NR2E3: variants seen among roughly 807,000 people sequenced by gnomAD.
NR2E3 encodes the protein photoreceptor-specific nuclear receptor.
A neutral mutation model predicts 37.6 loss-of-function variants in NR2E3; 38 were observed. That is an observed-to-expected ratio of 1.01 (90% confidence interval 0.78 to 1.33). NR2E3 has a LOEUF of 1.33. Ranked by LOEUF, NR2E3 falls within the 40% of genes most tolerant of loss-of-function variation. The pLI is 0.00. For synonymous variants in NR2E3, 235 were observed against 225.1 expected, an observed-to-expected ratio of 1.04 and a Z score of -0.39; for missense variants, 562 against 558.7, an observed-to-expected ratio of 1.01 and a Z score of -0.06.
chr15:71,816,639 G>A (rs2140294048), intron 7 of NR2E3, among the ~76,000 whole-genome samples: 2 of 152,124 alleles, frequency 1.3e-5, no homozygotes, highest in South Asian at 4.2e-4. Context: ...TCAACTTCAG[G>A]ACATTTTCAG....
Position 71,817,980 on chromosome 15 carries a change from G to C in NR2E3, c.*296G>C, listed in dbSNP as rs2054240791. Reference sequence around the variant, plus strand: ...GGTAAACTTCACAGACATAAAAGTTGAATGAAAGAAGCCAGGCCGAAGTTC... The same window carrying C: ...GGTAAACTTCACAGACATAAAAGTTCAATGAAAGAAGCCAGGCCGAAGTTC... On this transcript the variant is annotated 3_prime_UTR_variant, in exon 8 of 8. Coordinates refer to ENST00000617575, the MANE Select transcript of NR2E3 (RefSeq NM_014249.4). The C allele has an allele frequency of 4.8e-6, 1 of 209,860 alleles. No individual in the cohort carries two copies. The highest frequency in any genetic ancestry group is 9.7e-6 in the Non-Finnish European group (1 of 103,134). 13.0% of individuals were successfully genotyped at this position (209,860 alleles called of 1,614,324 possible).
rs1406443586 is a variant in NR2E3, at chr15:71,812,357, C to T, written c.593C>T (p.Thr198Ile). 1 of 1,613,938 alleles carries T rather than the reference C, an allele frequency of 6.2e-7. No individual in the cohort carries two copies. Among genetic ancestry groups the T allele is most frequent in the East Asian group, 2.2e-5 (1 of 44,864 alleles). The change falls in exon 5 of 8, where the codon ACC becomes ATC. Residue 198 changes from threonine (T) to isoleucine (I), a missense_variant. Physicochemically the swap from Thr to Ile is moderately conservative, Grantham distance 89. Coordinates refer to ENST00000617575, the MANE Select transcript of NR2E3 (RefSeq NM_014249.4). ...ACAGCTGATGAGAATATTGATGTCA[C>T]CAGCAATGACCCTGAGTTCCCCTCC... The part of the protein sequence containing the change: ...PEDADENIDV[T>I]SNDPEFPSSP...
Position 71,811,177 on chromosome 15 carries a change from G to T in NR2E3, c.119-306G>T, listed in dbSNP as rs1213515410. Among the ~76,000 whole-genome samples the T allele has an allele frequency of 6.6e-6, 1 of 152,152 alleles. No homozygotes were observed. The highest frequency in any genetic ancestry group is 1.5e-5 in the Non-Finnish European group (1 of 68,004). ...GGCGTTGACAAGAATGTTTCTGTGGGATGATGGAGCCTGAAGCCACCCACA... is the reference window on the plus strand; with the variant it reads ...GGCGTTGACAAGAATGTTTCTGTGGTATGATGGAGCCTGAAGCCACCCACA... On this transcript the variant is annotated intron_variant, in intron 1 of 7. Coordinates refer to ENST00000617575, the MANE Select transcript of NR2E3 (RefSeq NM_014249.4). This position sits in a 1 kb window ranked among gnomAD's most constrained non-coding sequence, Gnocchi z 5.6.
In NR2E3 at chr15:71,813,779, C is replaced by T. The variant is rs2054206237; in HGVS notation, c.994+144C>T. 6 of 1,474,064 alleles carry T rather than the reference C, an allele frequency of 4.1e-6. No homozygotes were observed. In the Admixed American group the frequency reaches 1.1e-4, roughly 28 times the overall value. 91.3% of individuals were successfully genotyped at this position (1,474,064 alleles called of 1,614,324 possible). ...GGAGGAGAGTGGTGAGGCTGGACTCCCTTCTCCTTGGGGCCACTCCTGGTT... is the reference window on the plus strand; with the variant it reads ...GGAGGAGAGTGGTGAGGCTGGACTCTCTTCTCCTTGGGGCCACTCCTGGTT... On this transcript the variant is annotated intron_variant, in intron 6 of 7. Transcript: ENST00000617575. The surrounding 1 kb of genome is among the most constrained non-coding windows in gnomAD (Gnocchi z 4.7).
Position 71,811,055 on chromosome 15 carries a change from C to T in NR2E3, c.118+194C>T, listed in dbSNP as rs1013947437. ...GTGGGGCGGGGATGGGGGTTGGGGG[C>T]GGGCAGGCTGCAGAGCCAGGACAGG... On this transcript the variant is annotated intron_variant, in intron 1 of 7. Transcript: ENST00000617575. This position sits in a 1 kb window ranked among gnomAD's most constrained non-coding sequence, Gnocchi z 5.6. Among the ~76,000 whole-genome samples the T allele has an allele frequency of 1.3e-4, 19 of 151,324 alleles. No homozygotes were observed. Among genetic ancestry groups the T allele is most frequent in the African/African-American group, 2.4e-4 (10 of 41,188 alleles).
At position 71,813,546 on chromosome 15, in the gene NR2E3, T is replaced by C. The variant is rs759031159; in HGVS notation, c.905T>C (p.Val302Ala). 10 of 1,613,746 alleles carry C rather than the reference T, an allele frequency of 6.2e-6. No homozygotes were observed. In the Admixed American group the frequency reaches 6.7e-5, roughly 11 times the overall value. The change falls in exon 6 of 8, where the codon GTC becomes GCC. Residue 302 changes from valine to alanine, a missense_variant. Coordinates refer to ENST00000617575, the MANE Select transcript of NR2E3 (RefSeq NM_014249.4). The surrounding 1 kb of genome is among the most constrained non-coding windows in gnomAD (Gnocchi z 4.7). The stretch of plus-strand genomic sequence containing the variant: ...ACGCTGGCCAGCATGGAGACGCGTG[T>C]CCTGCAGGAAACTATCTCTCGGTTC... ...RLTLASMETR[V>A]LQETISRFRA...
intron 7 of NR2E3, among the ~76,000 whole-genome samples, chr15:71,817,101 C>G (rs67064824): frequency 1.2e-5 from 1 of 80,952 alleles, no homozygotes; most frequent in East Asian, 4.5e-4. Flanking sequence ...TTTCTTTTTT[C>G]TTTTTTTTTT....
In NR2E3 at chr15:71,812,279, A is replaced by G. The variant is rs1252677119; in HGVS notation, c.572-57A>G. The G allele has an allele frequency of 6.8e-6, 11 of 1,611,866 alleles. No homozygotes were observed. The East Asian group carries it at 2.2e-4, about 33-fold the overall frequency. On this transcript the variant is annotated intron_variant, in intron 4 of 7. Coordinates refer to ENST00000617575, the MANE Select transcript of NR2E3 (RefSeq NM_014249.4). ...TCCTCCCTCCCCCGGGGCTCCAAGT[A>G]CTCCCTGCCACCTCCCGAGAAGCAG...
Position 71,814,730 on chromosome 15 carries a change from C to T in NR2E3, c.1100+613C>T, listed in dbSNP as rs900272520. 4.1e-6 allele frequency: 4 copies of T among 985,736 alleles called. No individual in the cohort carries two copies. The African/African-American group carries it at 5.2e-5, about 13-fold the overall frequency. 61.1% of individuals were successfully genotyped at this position (985,736 alleles called of 1,614,324 possible). On this transcript the variant is annotated intron_variant, in intron 7 of 7. Coordinates refer to ENST00000617575, the MANE Select transcript of NR2E3 (RefSeq NM_014249.4). The stretch of plus-strand genomic sequence containing the variant: ...CAGAGGGTCATACACAGGGCTGGAC[C>T]TCACGCAGACTGGCATGGCCATGGG...
rs760426217 is a variant in NR2E3, at chr15:71,811,722, C to G, written c.246-44C>G. ...AAATGTCCAAGCCCATGGCTCAGGG[C>G]ATGGGAGGGACACTGACCCCTGGGG... is the stretch of plus-strand genomic sequence containing the variant. On this transcript the variant is annotated intron_variant, in intron 2 of 7. Transcript: ENST00000617575. The surrounding 1 kb of genome is among the most constrained non-coding windows in gnomAD (Gnocchi z 5.6). 2 of 1,546,212 alleles carry G rather than the reference C, an allele frequency of 1.3e-6. No homozygotes were observed. Among genetic ancestry groups the G allele is most frequent in the Non-Finnish European group, 1.8e-6 (2 of 1,142,486 alleles).
chr15:71,811,579 A>G lies in NR2E3; in HGVS notation c.215A>G (p.Lys72Arg). ...YACNGCSGFF[K>R]RSVRRRLIYR... is the part of the protein sequence containing the mutation. ...TGCAACGGCTGCAGCGGCTTCTTCA[A>G]GAGGAGCGTACGGCGGAGGCTCATC... The change falls in exon 2 of 8, where the codon AAG (lysine) becomes AGG (arginine). Residue 72 changes from lysine to arginine, a missense_variant. Transcript: ENST00000617575. This position sits in a 1 kb window ranked among gnomAD's most constrained non-coding sequence, Gnocchi z 5.6. 1 of 1,604,630 alleles carries G rather than the reference A, an allele frequency of 6.2e-7. No individual in the cohort carries two copies. Among genetic ancestry groups the G allele is most frequent in the Non-Finnish European group, 8.5e-7 (1 of 1,176,132 alleles).
rs2054186090 is a variant in NR2E3, at chr15:71,811,939, C to T, written c.350-16C>T. ...GCGGGACTGGCGTGTCGTCCTGACC[C>T]TTCCTGCCTCCCCAGCCGTGCAGAA... On this transcript the variant is annotated splice_polypyrimidine_tract_variant and intron_variant, in intron 3 of 7. Transcript: ENST00000617575. The surrounding 1 kb of genome is among the most constrained non-coding windows in gnomAD (Gnocchi z 5.6). The T allele has an allele frequency of 6.5e-7, 1 of 1,549,038 alleles. No homozygotes were observed. The highest frequency in any genetic ancestry group is 1.2e-5 in the South Asian group (1 of 84,006).
chr15:71,815,796 T>C (rs975699235), intron 7 of NR2E3, among the ~76,000 whole-genome samples: 1 of 152,186 alleles, frequency 6.6e-6, no homozygotes, highest in Non-Finnish European at 1.5e-5. Flanking sequence ...ATTTACCTGA[T>C]GTTTCTCTTT....
intron 7 of NR2E3, among the ~76,000 whole-genome samples, chr15:71,815,420 C>T (rs868750470): frequency 2.6e-5 from 4 of 152,296 alleles, no homozygotes; most frequent in Middle Eastern, 3.4e-3. Context: ...ATAGGGAGAA[C>T]GCTGCTACTA....
rs766096417 is a variant in NR2E3 at position 71,811,831 on chromosome 15, G to A, written c.311G>A (p.Arg104Gln). Residue 104 changes from arginine (R) to glutamine (Q), a missense_variant, in exon 3 of 8, where the codon CGG (arginine) becomes CAG (glutamine). Coordinates refer to ENST00000617575, the MANE Select transcript of NR2E3 (RefSeq NM_014249.4). The surrounding 1 kb of genome is among the most constrained non-coding windows in gnomAD (Gnocchi z 5.6). ...CACCGCAACCAGTGCCAGGCCTGCC[G>A]GCTGAAGAAGTGCCTGCAGGCGGGG... ...KAHRNQCQAC[R>Q]LKKCLQAGMN... The A allele has an allele frequency of 1.9e-5, 29 of 1,551,278 alleles. No homozygotes were observed. Among genetic ancestry groups the A allele is most frequent in the East Asian group, 9.8e-5 (4 of 40,924 alleles).
chr15:71,811,590 CG>C lies in NR2E3; in HGVS notation c.228del (p.Arg77GlyfsTer29), dbSNP rs772903026. 1 of 1,603,922 alleles carries C rather than the reference CG, an allele frequency of 6.2e-7. No individual in the cohort carries two copies. The highest frequency in any genetic ancestry group is 1.1e-5 in the South Asian group (1 of 88,956). On this transcript the variant is annotated frameshift_variant, in exon 2 of 8. Coordinates refer to ENST00000617575, the MANE Select transcript of NR2E3 (RefSeq NM_014249.4). LOFTEE classifies it high-confidence loss of function. The surrounding 1 kb of genome is among the most constrained non-coding windows in gnomAD (Gnocchi z 5.6). Reference protein sequence around the residue: ...GCSGFFKRSVRRRLIYRCQVG... With the variant: ...GCSGFFKRSVXRRLIYRCQVG... ...CAGCGGCTTCTTCAAGAGGAGCGTA[CG>C]GCGGAGGCTCATCTACAGGTGAGTG... is the stretch of plus-strand genomic sequence containing the variant.
chr15:71,814,297 G>A (rs554475643), intron 7 of NR2E3, 180 bp downstream of exon 7: 3 of 1,408,476 alleles, frequency 2.1e-6, no homozygotes, highest in African/African-American at 1.4e-5. Flanking sequence ...GGACCAAGAT[G>A]TACATAAGAC....
chr15:71,811,557 A>G lies in NR2E3; in HGVS notation c.193A>G (p.Asn65Asp). 6.2e-7 allele frequency: 1 copy of G among 1,600,498 alleles called. No homozygotes were observed. Among genetic ancestry groups the G allele is most frequent in the Non-Finnish European group, 8.5e-7 (1 of 1,174,132 alleles). ...SGKHYGIYAC[N>D]GCSGFFKRSV... ...GAAGCACTATGGCATCTATGCCTGC[A>G]ACGGCTGCAGCGGCTTCTTCAAGAG... The change falls in exon 2 of 8, where the codon AAC becomes GAC. Residue 65 changes from asparagine to aspartate, a missense_variant. By Grantham distance (23) the Asn-to-Asp change is conservative. Transcript: ENST00000617575. This position sits in a 1 kb window ranked among gnomAD's most constrained non-coding sequence, Gnocchi z 5.6.
chr15:71,810,687 G>A lies in NR2E3; in HGVS notation c.-57G>A. 1 of 1,548,660 alleles carries A rather than the reference G, an allele frequency of 6.5e-7. No individual in the cohort carries two copies. The highest frequency in any genetic ancestry group is 2.4e-5 in the East Asian group (1 of 40,862). ...AGGTTCATGGACTGAGGCAAAGGCT[G>A]GGCCAGGCTCAGCAACCCAGGCCTC... On this transcript the variant is annotated 5_prime_UTR_variant, in exon 1 of 8. Transcript: ENST00000617575.
Sources: gnomAD v4.1 joint callset for allele counts (sites outside exome capture counted in the v4.1 genomes callset) on GRCh38, gnomAD v4.1.1 for gene constraint, Gnocchi (gnomAD v3.1) non-coding constraint, MANE v1.5 for transcripts, NCBI Gene and HGNC (gene_info 2026-07-23, HGNC 2026-07-21) for gene names.